Variants in AP4E1 observed in about 807,000 individuals in gnomAD.
The protein encoded by AP4E1 is AP-4 complex subunit epsilon-1.
AP4E1 carries 56 observed loss-of-function variants against 128.2 expected under a neutral mutation model. The observed-to-expected ratio is 0.44, with a 90% CI of 0.35 to 0.55. The LOEUF (loss-of-function observed/expected upper bound fraction) is 0.55, where lower values mean the gene tolerates loss of function less well. Among genes scored for constraint, AP4E1 ranks in the 20% least tolerant of loss-of-function variants. The pLI, the probability that AP4E1 is intolerant of heterozygous loss-of-function variation, is 0.00. For synonymous variants in AP4E1, 484 were observed against 473.1 expected, an observed-to-expected ratio of 1.02 and a Z score of -0.30; for missense variants, 1,324 against 1,307.7, an observed-to-expected ratio of 1.01 and a Z score of -0.19.
At chr15:50,946,395 A>G (rs2140854539) in intron 10 of AP4E1, among the ~76,000 whole-genome samples, 1 of 152,308 alleles carries the variant, frequency 6.6e-6, no homozygotes, top group East Asian at 1.9e-4. Context: ...ATGATTCCAC[A>G]TAACATTTAG....
chr15:50,953,256 A>T (rs1199316269), intron 13 of AP4E1, among the ~76,000 whole-genome samples: 5 of 152,054 alleles, frequency 3.3e-5, no homozygotes, highest in African/African-American at 1.2e-4. Context: ...TTTTTTGTCT[A>T]TGAACGTGGC....
At chr15:50,985,065 C>T (rs564049255) in intron 16 of AP4E1, among the ~76,000 whole-genome samples, 1,553 of 152,272 alleles carry the variant, frequency 0.01, 21 homozygotes, top group Non-Finnish European at 9.1e-3. Context: ...CCAGTGATGA[C>T]GAGCATTTTT....
rs1472749891 is a variant in AP4E1 at position 50,949,858 on chromosome 15, C to A, written c.1349C>A (p.Thr450Lys). 1 of 1,613,634 alleles carries A rather than the reference C, an allele frequency of 6.2e-7. No homozygotes were observed. Among genetic ancestry groups the A allele is most frequent in the Non-Finnish European group, 8.5e-7 (1 of 1,179,728 alleles). The stretch of plus-strand genomic sequence containing the variant: ...CCTGATAATGCATGGTTTATTCAGA[C>A]AATGAATGCTGTGTTTTCAGTAGGA... Reference protein sequence around the residue: ...YAPDNAWFIQTMNAVFSVGGD... With the variant: ...YAPDNAWFIQKMNAVFSVGGD... Residue 450 changes from threonine (T) to lysine (K), a missense_variant, in exon 12 of 21, where the codon ACA (threonine) becomes AAA (lysine). Thr to Lys is a moderately conservative substitution (Grantham distance 78). Transcript: ENST00000261842.
Position 50,949,837 on chromosome 15 carries a change from A to T in AP4E1, c.1328A>T (p.Asp443Val), listed in dbSNP as rs775692007. ...IAELAEKYAP[D>V]NAWFIQTMNA... ...AACACTGTGGACACATATGCTCCTG[A>T]TAATGCATGGTTTATTCAGACAATG... The change falls in exon 12 of 21, where the codon GAT becomes GTT. Residue 443 changes from aspartate (D) to valine (V), a missense_variant. Physicochemically the swap from Asp to Val is radical, Grantham distance 152. Coordinates refer to ENST00000261842, the MANE Select transcript of AP4E1 (RefSeq NM_007347.5). The T allele has an allele frequency of 6.2e-7, 1 of 1,612,658 alleles. No individual in the cohort carries two copies. The highest frequency in any genetic ancestry group is 1.3e-5 in the African/African-American group (1 of 74,898).
chr15:50,948,168 T>G lies in AP4E1; in HGVS notation c.1316+9T>G, dbSNP rs1432569151. 22 of 1,613,518 alleles carry G rather than the reference T, an allele frequency of 1.4e-5. No individual in the cohort carries two copies. Among genetic ancestry groups the G allele is most frequent in the African/African-American group, 2.7e-5 (2 of 74,904 alleles). On this transcript the variant is annotated intron_variant, in intron 11 of 20. Coordinates refer to ENST00000261842, the MANE Select transcript of AP4E1 (RefSeq NM_007347.5). ...GCAGAGCTGGCTGAGAAATATCCTT[T>G]TATTTCGACCATGAGTCTTAAAATA...
In AP4E1 at chr15:51,003,022, C is replaced by G; in HGVS notation, c.*360C>G. The G allele has an allele frequency of 4.7e-6, 1 of 210,568 alleles. No individual in the cohort carries two copies. 13.0% of individuals were successfully genotyped at this position (210,568 alleles called of 1,614,324 possible). On this transcript the variant is annotated 3_prime_UTR_variant, in exon 21 of 21. Coordinates refer to ENST00000261842, the MANE Select transcript of AP4E1 (RefSeq NM_007347.5). ...TAGCTAATTTGTAATAAAGCCAAGTCTCAGTTTTCTGCATTAAATGGAAGG... is the reference window on the plus strand; with the variant it reads ...TAGCTAATTTGTAATAAAGCCAAGTGTCAGTTTTCTGCATTAAATGGAAGG...
chr15:50,974,712 C>G (rs1341877436), intron 15 of AP4E1, among the ~76,000 whole-genome samples: 1 of 152,154 alleles, frequency 6.6e-6, no homozygotes, highest in African/African-American at 2.4e-5. Context: ...TAATCACCAT[C>G]CTGACTGGTA....
chr15:50,934,881 C>T (rs1249286161), intron 8 of AP4E1, among the ~76,000 whole-genome samples, 184 bp downstream of exon 8: 1 of 151,966 alleles, frequency 6.6e-6, no homozygotes, highest in Admixed American at 6.5e-5. Flanking sequence ...AATTTGAACT[C>T]ATGGCATGTT....
Position 50,993,453 on chromosome 15 carries a change from A to AT in AP4E1, c.2175dup (p.Glu726Ter), listed in dbSNP as rs771619558. ...CCCAAGAAGGAAAGCAAAACTGGTGATGAAAGTGGAGCTCTGCCTGTTCCT... is the reference window on the plus strand; with the variant it reads ...CCCAAGAAGGAAAGCAAAACTGGTGATTGAAAGTGGAGCTCTGCCTGTTCCT... On this transcript the variant is annotated frameshift_variant, in exon 17 of 21. Coordinates refer to ENST00000261842, the MANE Select transcript of AP4E1 (RefSeq NM_007347.5). LOFTEE classifies it high-confidence loss of function. 1 of 1,614,010 alleles carries AT rather than the reference A, an allele frequency of 6.2e-7. No homozygotes were observed. Among genetic ancestry groups the AT allele is most frequent in the Non-Finnish European group, 8.5e-7 (1 of 1,179,984 alleles).
At chr15:50,982,330 A>G (rs2064655025) in intron 15 of AP4E1, among the ~76,000 whole-genome samples, 1 of 152,184 alleles carries the variant, frequency 6.6e-6, no homozygotes, top group Non-Finnish European at 1.5e-5. Flanking sequence ...AAGTTAGATG[A>G]TTAAAAAACT....
chr15:50,929,719 A>G (rs544511116), intron 6 of AP4E1, among the ~76,000 whole-genome samples: 2 of 152,282 alleles, frequency 1.3e-5, no homozygotes, highest in South Asian at 4.1e-4. Flanking sequence ...CATGGCACCT[A>G]CTATAACAAA....
chr15:50,925,050 A>C (rs751127287), intron 4 of AP4E1, 48 bp from the exon 5 acceptor site: 1 of 1,611,034 alleles, frequency 6.2e-7, no homozygotes, highest in South Asian at 1.1e-5. Context: ...TGCCATTCCT[A>C]GTTTCAGTAT....
chr15:50,955,107 G>T (rs2064200231), intron 13 of AP4E1, among the ~76,000 whole-genome samples: 1 of 152,154 alleles, frequency 6.6e-6, no homozygotes, highest in Non-Finnish European at 1.5e-5. Context: ...GGACATTTGG[G>T]TTGGTTCCAA....
rs965216470 is a variant in AP4E1, at chr15:51,005,374, G to A, written c.*2712G>A. On this transcript the variant is annotated 3_prime_UTR_variant, in exon 21 of 21. Coordinates refer to ENST00000261842, the MANE Select transcript of AP4E1 (RefSeq NM_007347.5). ...GGGGAATATAAGGGAAGACAGAAAA[G>A]CCTTAAGAGTAGACGGAGGAAGAAG... 6.5e-5 allele frequency: 10 copies of A among 152,744 alleles called. No homozygotes were observed. The highest frequency in any genetic ancestry group is 2.4e-4 in the African/African-American group (10 of 41,426). 9.5% of individuals were successfully genotyped at this position (152,744 alleles called of 1,614,324 possible). A position where few individuals can be genotyped will look rare whatever the true frequency, so the allele number is the denominator to read the frequency against.
chr15:50,920,893 G>C (rs2063694556), intron 3 of AP4E1, among the ~76,000 whole-genome samples: 1 of 152,164 alleles, frequency 6.6e-6, no homozygotes, highest in African/African-American at 2.4e-5. Context: ...CTACCTCCCA[G>C]GTTCAAGCGA....
intron 8 of AP4E1, 104 bp from the exon 9 acceptor site, chr15:50,941,337 GA>G (rs1245023677): frequency 7.8e-7 from 1 of 1,289,034 alleles, no homozygotes; most frequent in African/African-American, 1.5e-5. Flanking sequence ...TAAGATTTCT[GA>G]CTAAAATGGA....
chr15:50,951,124 T>G (rs2140864725), intron 13 of AP4E1, among the ~76,000 whole-genome samples: 1 of 152,322 alleles, frequency 6.6e-6, no homozygotes, highest in East Asian at 1.9e-4. Context: ...ATAGTTTCTG[T>G]GGGTCAAGAG....
chr15:50,914,493 A>G (rs1338916849), intron 2 of AP4E1, among the ~76,000 whole-genome samples: 1 of 152,026 alleles, frequency 6.6e-6, no homozygotes, highest in Admixed American at 6.6e-5. Flanking sequence ...TCTACTAAAT[A>G]TACAAAAATT....
intron 16 of AP4E1, among the ~76,000 whole-genome samples, chr15:50,987,145 G>A (rs1333245096): frequency 3.3e-5 from 5 of 152,174 alleles, no homozygotes; most frequent in East Asian, 1.9e-4. Context: ...CTGTGGGATC[G>A]GTGGTGATAT....
Sources: gnomAD v4.1 joint callset for allele counts (sites outside exome capture counted in the v4.1 genomes callset) on GRCh38, gnomAD v4.1.1 for gene constraint, MANE v1.5 for transcripts, NCBI Gene and HGNC (gene_info 2026-07-23, HGNC 2026-07-21) for gene names.